Variants in STON2 observed in about 807,000 individuals in gnomAD.
The protein encoded by STON2 is stonin-2.
A neutral mutation model predicts 65.7 loss-of-function variants in STON2; 29 were observed. The ratio of observed to expected loss-of-function variants is 0.44; its 90% CI spans 0.33 to 0.60. The LOEUF is 0.60. STON2 is among the 20% of genes least tolerant of loss of function. STON2 has a pLI of 0.03. For missense variants in STON2, 1,054 were observed against 1,118.1 expected, an observed-to-expected ratio of 0.94 and a Z score of 0.82; for synonymous variants, 404 against 414.2, an observed-to-expected ratio of 0.98 and a Z score of 0.30.
chr14:81,311,231 A>T (rs772913012), intron 5 of STON2, among the ~76,000 whole-genome samples: 1 of 152,190 alleles, frequency 6.6e-6, no homozygotes, highest in Non-Finnish European at 1.5e-5. Flanking sequence ...GCAATGGAAT[A>T]GGAGGCAGGA....
chr14:81,296,649 T>G (rs759588735), intron 5 of STON2, among the ~76,000 whole-genome samples: 3 of 152,128 alleles, frequency 2.0e-5, no homozygotes, highest in Non-Finnish European at 4.4e-5. Context: ...GTCTCCCCAC[T>G]CATAAGCAAA....
chr14:81,373,964 C>CATGTATCT (rs1455180565), intron 3 of STON2, among the ~76,000 whole-genome samples: 2 of 135,756 alleles, frequency 1.5e-5, no homozygotes, highest in African/African-American at 2.8e-5. Context: ...TTAGTAGCCT[C>CATGTATCT]ATGTATCTAG....
At chr14:81,293,853 G>C (rs1488942622) in intron 5 of STON2, among the ~76,000 whole-genome samples, 1 of 152,142 alleles carries the variant, frequency 6.6e-6, no homozygotes, top group East Asian at 1.9e-4. Flanking sequence ...GTAGGGGAAT[G>C]CTCAAGCACT....
chr14:81,395,167 G>A (rs1237439841), intron 3 of STON2: 3 of 152,202 alleles, frequency 2.0e-5, no homozygotes, highest in Admixed American at 2.0e-4. Context: ...TGAAGTGTGA[G>A]AATATCCATG....
At chr14:81,419,985 A>T (rs532944512) in intron 2 of STON2, among the ~76,000 whole-genome samples, 12 of 152,214 alleles carry the variant, frequency 7.9e-5, no homozygotes, top group Non-Finnish European at 1.5e-4. Context: ...CTTGGACAGG[A>T]TATGTACCTG....
chr14:81,306,318 C>T (rs35922586), intron 5 of STON2, among the ~76,000 whole-genome samples: 60,940 of 144,690 alleles, frequency 0.42, 14,999 homozygotes, highest in Non-Finnish European at 0.54. Context: ...CAACCTTCAC[C>T]TCCCGGGTTC....
chr14:81,424,388 G>A (rs1901863523), intron 2 of STON2, among the ~76,000 whole-genome samples: 1 of 151,856 alleles, frequency 6.6e-6, no homozygotes, highest in Non-Finnish European at 1.5e-5. Flanking sequence ...AGGTTGCAGT[G>A]AGCCAAGATC....
At chr14:81,347,565 C>T (rs1897854219) in intron 4 of STON2, among the ~76,000 whole-genome samples, 1 of 132,092 alleles carries the variant, frequency 7.6e-6, no homozygotes, top group Admixed American at 8.5e-5. Context: ...CTTCCTAACT[C>T]ATTTTATAAG....
At chr14:81,341,711 A>C (rs1897621141) in intron 4 of STON2, among the ~76,000 whole-genome samples, 1 of 152,188 alleles carries the variant, frequency 6.6e-6, no homozygotes, top group African/African-American at 2.4e-5. Context: ...GTGCTAGTCC[A>C]CCTACTGTAA....
Position 81,396,121 on chromosome 14 carries a change from G to C in STON2, c.146C>G (p.Ser49Cys). ...LSSSPDQSES[S>C]SGENHVVDGG... ...ATCCACCACATGGTTCTCCCCGGAG[G>C]AGCTCTCGGACTGGTCTGGGGAAGA... The change falls in exon 3 of 8, where the codon TCC (serine) becomes TGC (cysteine). Residue 49 changes from serine to cysteine, a missense_variant. Transcript: ENST00000614646. The C allele has an allele frequency of 6.2e-7, 1 of 1,614,120 alleles. No homozygotes were observed. Among genetic ancestry groups the C allele is most frequent in the African/African-American group, 1.3e-5 (1 of 75,036 alleles).
chr14:81,284,746 A>C (rs1895267483), intron 5 of STON2, among the ~76,000 whole-genome samples: 1 of 152,244 alleles, frequency 6.6e-6, no homozygotes, highest in Non-Finnish European at 1.5e-5. Context: ...AGCTAGAGAA[A>C]AGTCAATGCC....
intron 3 of STON2, among the ~76,000 whole-genome samples, chr14:81,372,849 T>C (rs1030566678): frequency 1.3e-5 from 2 of 152,148 alleles, no homozygotes; most frequent in Non-Finnish European, 2.9e-5. Flanking sequence ...AAAATTGAGA[T>C]TTAAGAGAGA....
At chr14:81,281,662 A>G (rs890090433) in intron 5 of STON2, among the ~76,000 whole-genome samples, 5 of 152,184 alleles carry the variant, frequency 3.3e-5, no homozygotes, top group African/African-American at 1.2e-4. Flanking sequence ...TCATCTTCTA[A>G]GCCAAAAATG....
At chr14:81,297,906 G>A (rs190468047) in intron 5 of STON2, among the ~76,000 whole-genome samples, 246 of 152,218 alleles carry the variant, frequency 1.6e-3, no homozygotes, top group African/African-American at 5.6e-3. Flanking sequence ...GGTTTGGGGC[G>A]CATGCCTGTA....
chr14:81,379,705 T>C (rs1033615757), intron 3 of STON2, among the ~76,000 whole-genome samples: 2 of 152,116 alleles, frequency 1.3e-5, no homozygotes, highest in African/African-American at 4.8e-5. Flanking sequence ...CCTACAACCA[T>C]CTGATCTTCT....
intron 4 of STON2, among the ~76,000 whole-genome samples, chr14:81,367,095 G>T (rs900374493): frequency 6.6e-6 from 1 of 152,220 alleles, no homozygotes; most frequent in Non-Finnish European, 1.5e-5. Context: ...CAGGCAGAGG[G>T]CAGGGCATCA....
At chr14:81,307,596 G>C (rs186785378) in intron 5 of STON2, among the ~76,000 whole-genome samples, 1 of 152,198 alleles carries the variant, frequency 6.6e-6, no homozygotes, top group African/African-American at 2.4e-5. Context: ...GTTGACACTT[G>C]AACCACAGGG....
chr14:81,411,346 TA>T (rs1488594947), intron 2 of STON2, among the ~76,000 whole-genome samples: 78 of 152,370 alleles, frequency 5.1e-4, no homozygotes, highest in African/African-American at 1.8e-3. Flanking sequence ...ACTCTTTCCT[TA>T]AATAGGATAT....
chr14:81,287,244 A>ATAAGTC (rs1226553098), intron 5 of STON2, among the ~76,000 whole-genome samples: 2 of 152,216 alleles, frequency 1.3e-5, no homozygotes, highest in Non-Finnish European at 2.9e-5. Context: ...GAGCCGGAGG[A>ATAAGTC]TAAGTCTACG....
Sources: gnomAD v4.1 joint callset for allele counts (sites outside exome capture counted in the v4.1 genomes callset) on GRCh38, gnomAD v4.1.1 for gene constraint, MANE v1.5 for transcripts, NCBI Gene and HGNC (gene_info 2026-07-23, HGNC 2026-07-21) for gene names.